RAB8B: variants seen among roughly 807,000 people sequenced by gnomAD.
RAB8B encodes ras-related protein Rab-8B.
Under a neutral mutation model 32.0 loss-of-function variants are expected in RAB8B, and 11 were observed. The ratio of observed to expected loss-of-function variants is 0.34; its 90% confidence interval spans 0.22 to 0.57. The LOEUF (loss-of-function observed/expected upper bound fraction) is 0.57, where lower values mean the gene tolerates loss of function less well. RAB8B is among the 20% of genes least tolerant of loss of function. The pLI, the probability that RAB8B is intolerant of heterozygous loss-of-function variation, is 0.86. For synonymous variants in RAB8B, 103 were observed against 89.6 expected (o/e 1.15, Z -0.85); for missense variants, 190 against 258.5 (o/e 0.73, Z 1.82).
At chr15:63,240,083 C>T (rs531426910) in intron 1 of RAB8B, among the ~76,000 whole-genome samples, 21 of 152,074 alleles carry the variant, frequency 1.4e-4, no homozygotes, top group African/African-American at 4.6e-4. Flanking sequence ...TTTGGAGAAA[C>T]TCTGAGGTTT....
chr15:63,265,745 CT>C lies in RAB8B; in HGVS notation c.*2136del, dbSNP rs538728467. On this transcript the variant is annotated 3_prime_UTR_variant, in exon 8 of 8. Coordinates refer to ENST00000321437, the MANE Select transcript of RAB8B (RefSeq NM_016530.3). The surrounding 1 kb of genome is among the most constrained non-coding windows in gnomAD (Gnocchi z 4.9). Reference sequence around the variant, plus strand: ...CATATTCTGTGGTTAGCTTTTATTACTTTTTTTTTTAACAGAATGCTTTGCT... The same window carrying C: ...CATATTCTGTGGTTAGCTTTTATTACTTTTTTTTTAACAGAATGCTTTGCT... The C allele has an allele frequency of 8.3e-3, 1,226 of 148,600 alleles. 5 individuals are homozygous for C. The highest frequency in any genetic ancestry group is 0.024 in the South Asian group (112 of 4,668). The allele number at this position is 148,600 out of a possible 1,614,324, so 9.2% of individuals were successfully genotyped here. A position where few individuals can be genotyped will look rare whatever the true frequency, so the allele number is the denominator to read the frequency against.
intron 1 of RAB8B, among the ~76,000 whole-genome samples, chr15:63,218,351 TAAG>T: frequency 6.6e-6 from 1 of 152,336 alleles, no homozygotes; most frequent in South Asian, 2.1e-4. Flanking sequence ...AGTGGGTCCT[TAAG>T]AAGTGCTAGC....
intron 1 of RAB8B, among the ~76,000 whole-genome samples, chr15:63,191,834 C>T (rs900866328): frequency 6.6e-6 from 1 of 152,076 alleles, no homozygotes; most frequent in African/African-American, 2.4e-5. Context: ...TAATTTTTGT[C>T]CCATGTTTCC....
chr15:63,242,447 G>A (rs1030128831), intron 1 of RAB8B, among the ~76,000 whole-genome samples: 7 of 152,076 alleles, frequency 4.6e-5, no homozygotes, highest in Non-Finnish European at 8.8e-5. Flanking sequence ...GGCCGAGGCG[G>A]GTGGATCACG....
intron 3 of RAB8B, among the ~76,000 whole-genome samples, chr15:63,253,013 G>A (rs1396583250): frequency 6.6e-6 from 1 of 152,186 alleles, no homozygotes; most frequent in Non-Finnish European, 1.5e-5. Context: ...CTCCCAAAGT[G>A]CTGGGATTAC....
intron 1 of RAB8B, among the ~76,000 whole-genome samples, chr15:63,201,287 G>A (rs1434782605): frequency 6.6e-6 from 1 of 152,206 alleles, no homozygotes; most frequent in African/African-American, 2.4e-5. Context: ...GCAGAGGAGA[G>A]GTCGAGGAAG....
chr15:63,242,287 G>A (rs2038038776), intron 1 of RAB8B, among the ~76,000 whole-genome samples: 1 of 151,884 alleles, frequency 6.6e-6, no homozygotes, highest in African/African-American at 2.4e-5. Context: ...TCTATGCATT[G>A]TATAAAGCTG....
Position 63,267,760 on chromosome 15 carries a change from C to T in RAB8B, c.*4141C>T, listed in dbSNP as rs1464473073. 1.3e-5 allele frequency: 2 copies of T among 151,966 alleles called. No individual in the cohort carries two copies. Among genetic ancestry groups the T allele is most frequent in the Admixed American group, 6.6e-5 (1 of 15,246 alleles). 9.4% of individuals were successfully genotyped at this position (151,966 alleles called of 1,614,324 possible). A position where few individuals can be genotyped will look rare whatever the true frequency, so the allele number is the denominator to read the frequency against. ...TAATGTTCGTCTAAAATAAAAACTA[C>T]ATAATGAAAATGAAAATGCTAATGG... On this transcript the variant is annotated 3_prime_UTR_variant, in exon 8 of 8. Transcript: ENST00000321437.
chr15:63,204,624 A>G (rs543142666), intron 1 of RAB8B, among the ~76,000 whole-genome samples: 35 of 152,218 alleles, frequency 2.3e-4, no homozygotes, highest in Non-Finnish European at 4.3e-4. Flanking sequence ...AAATCTTAAA[A>G]CATGGTAGCT....
At chr15:63,262,838 A>G in intron 7 of RAB8B, 96 bp downstream of exon 7, 1 of 428,248 alleles carries the variant, frequency 2.3e-6, no homozygotes, top group Non-Finnish European at 3.8e-6. Flanking sequence ...AATTAAACTC[A>G]TTTTTTTCCT....
intron 3 of RAB8B, among the ~76,000 whole-genome samples, chr15:63,250,746 CAA>C (rs1274692327): frequency 1.3e-5 from 2 of 150,508 alleles, no homozygotes; most frequent in Non-Finnish European, 2.9e-5. Flanking sequence ...AAGCCAAGCA[CAA>C]GTTGGAGTCT....
At chr15:63,193,127 T>G (rs568396631) in intron 1 of RAB8B, among the ~76,000 whole-genome samples, 111 of 152,152 alleles carry the variant, frequency 7.3e-4, no homozygotes, top group Non-Finnish European at 1.4e-3. Context: ...CTTGGGAGGC[T>G]GAGGCAGGAG....
At chr15:63,260,048 G>C (rs540216348) in intron 6 of RAB8B, among the ~76,000 whole-genome samples, 12 of 152,046 alleles carry the variant, frequency 7.9e-5, no homozygotes, top group Non-Finnish European at 1.6e-4. Context: ...TTGGCCAGGA[G>C]GGTCTCGATC....
intron 1 of RAB8B, among the ~76,000 whole-genome samples, chr15:63,243,775 G>C (rs1380963456): frequency 1.3e-5 from 2 of 151,970 alleles, no homozygotes; most frequent in African/African-American, 4.8e-5. Context: ...TGCTATGACA[G>C]AATACCTGAA....
At chr15:63,236,886 A>G (rs2037985235) in intron 1 of RAB8B, among the ~76,000 whole-genome samples, 1 of 152,128 alleles carries the variant, frequency 6.6e-6, no homozygotes, top group Admixed American at 6.6e-5. Context: ...AACCATTACC[A>G]CTTTCCCCTA....
intron 1 of RAB8B, among the ~76,000 whole-genome samples, chr15:63,244,164 G>C (rs1357970952): frequency 6.6e-6 from 1 of 152,232 alleles, no homozygotes; most frequent in Non-Finnish European, 1.5e-5. Flanking sequence ...CTAGAGTACA[G>C]TCAGGCCTGA....
chr15:63,244,845 C>G, intron 2 of RAB8B, 29 bp downstream of exon 2: 1 of 1,514,844 alleles, frequency 6.6e-7, no homozygotes, highest in Non-Finnish European at 9.0e-7. Context: ...AGAGTTTCTG[C>G]TTTAATTGGG....
intron 1 of RAB8B, among the ~76,000 whole-genome samples, chr15:63,236,443 C>T (rs1567016976): frequency 6.6e-6 from 1 of 152,140 alleles, no homozygotes; most frequent in Non-Finnish European, 1.5e-5. Flanking sequence ...CTTCTAAACT[C>T]AGATGTTGGA....
intron 3 of RAB8B, among the ~76,000 whole-genome samples, chr15:63,250,009 G>A (rs1016394301): frequency 5.3e-5 from 8 of 152,080 alleles, no homozygotes; most frequent in African/African-American, 1.7e-4. Flanking sequence ...GGTGGTGGGC[G>A]CCTGTAGTCC....
Sources: gnomAD v4.1 joint callset for allele counts (sites outside exome capture counted in the v4.1 genomes callset) on GRCh38, gnomAD v4.1.1 for gene constraint, Gnocchi (gnomAD v3.1) non-coding constraint, MANE v1.5 for transcripts, NCBI Gene and HGNC (gene_info 2026-07-23, HGNC 2026-07-21) for gene names.